INTS15: variants seen among roughly 807,000 people sequenced by gnomAD.
INTS15 encodes uncharacterized protein C7orf26.
the INTS15 span, among the ~76,000 whole-genome samples, chr7:6,605,896 G>A: frequency 3.3e-5 from 5 of 151,990 alleles, no homozygotes; most frequent in African/African-American, 7.2e-5. Flanking sequence ...ACGGGTTTTC[G>A]CCATGTTGGC....
chr7:6,600,444 T>C, the INTS15 span: 3 of 1,358,388 alleles, frequency 2.2e-6, no homozygotes, highest in Middle Eastern at 5.2e-4. Context: ...GACACTGTTT[T>C]TGCTTCATTT....
chr7:6,607,056 G>A, the INTS15 span, among the ~76,000 whole-genome samples: 1 of 152,042 alleles, frequency 6.6e-6, no homozygotes, highest in Non-Finnish European at 1.5e-5. This position sits in a 1 kb window ranked among gnomAD's most constrained non-coding sequence, Gnocchi z 6.0. Flanking sequence ...GGCTGACACA[G>A]AGCGGGGCAG....
At chr7:6,597,106 C>T in the INTS15 span, among the ~76,000 whole-genome samples, 5 of 152,168 alleles carry the variant, frequency 3.3e-5, no homozygotes, top group Non-Finnish European at 5.9e-5. Flanking sequence ...CTCTTCTTTT[C>T]CTAGCAGTTT....
At chr7:6,591,499 C>T in the INTS15 span, 1 of 626,438 alleles carries the variant, frequency 1.6e-6, no homozygotes, top group Non-Finnish European at 2.9e-6. Context: ...CTCTTGACCT[C>T]GTGATTCGCC....
At chr7:6,606,712 T>C in the INTS15 span, among the ~76,000 whole-genome samples, 5 of 142,936 alleles carry the variant, frequency 3.5e-5, no homozygotes, top group Non-Finnish European at 6.2e-5. Flanking sequence ...TTTTTTTTTT[T>C]CTTTGAGACA....
chr7:6,595,500 G>A, the INTS15 span, among the ~76,000 whole-genome samples: 2 of 152,208 alleles, frequency 1.3e-5, no homozygotes, highest in African/African-American at 4.8e-5. Context: ...AAAAGCTAAA[G>A]GTGTGGACCA....
chr7:6,592,286 C>T, the INTS15 span, among the ~76,000 whole-genome samples: 2 of 151,670 alleles, frequency 1.3e-5, no homozygotes, highest in African/African-American at 4.8e-5. Flanking sequence ...TTTTTTTTGG[C>T]CATGCTTAGT....
At chr7:6,602,092 T>G in the INTS15 span, 1 of 1,612,516 alleles carries the variant, frequency 6.2e-7, no homozygotes, top group Non-Finnish European at 8.5e-7. Context: ...TGTATCTCCT[T>G]AATTGCAGAT....
the INTS15 span, chr7:6,600,376 A>AG: frequency 6.3e-7 from 1 of 1,598,914 alleles, no homozygotes; most frequent in Non-Finnish European, 8.5e-7. Context: ...TCCCTGGCCC[A>AG]GGCCTCCTGG....
chr7:6,599,336 T>G, the INTS15 span, among the ~76,000 whole-genome samples: 1 of 151,846 alleles, frequency 6.6e-6, no homozygotes, highest in East Asian at 2.0e-4. Flanking sequence ...GTTCCAAGTT[T>G]GGGGTTGGGA....
the INTS15 span, chr7:6,608,276 C>A: frequency 6.8e-7 from 1 of 1,470,156 alleles, no homozygotes; most frequent in Non-Finnish European, 9.0e-7. Context: ...CCCTCCCCGC[C>A]GGCAGAACCG....
At chr7:6,591,806 T>C in the INTS15 span, 9 of 1,613,946 alleles carry the variant, frequency 5.6e-6, no homozygotes, top group Admixed American at 1.7e-5. Context: ...GGAAAACTGG[T>C]CTCCATGGCG....
At chr7:6,591,949 A>G in the INTS15 span, 1 of 1,314,062 alleles carries the variant, frequency 7.6e-7, no homozygotes, top group Non-Finnish European at 1.1e-6. Context: ...AGGTGGGCGG[A>G]TCACTTGAGG....
At chr7:6,606,150 C>G in the INTS15 span, among the ~76,000 whole-genome samples, 12 of 152,224 alleles carry the variant, frequency 7.9e-5, no homozygotes, top group Non-Finnish European at 1.8e-4. Flanking sequence ...GCAGTACCTC[C>G]TCCTTGGGTT....
At chr7:6,601,341 G>A in the INTS15 span, among the ~76,000 whole-genome samples, 1 of 151,662 alleles carries the variant, frequency 6.6e-6, no homozygotes, top group Non-Finnish European at 1.5e-5. Context: ...CTTTGCCCAG[G>A]CTGGAGTGCA....
chr7:6,596,593 G>A, the INTS15 span, among the ~76,000 whole-genome samples: 1 of 151,364 alleles, frequency 6.6e-6, no homozygotes, highest in East Asian at 1.9e-4. Flanking sequence ...TGGCCAGGTT[G>A]GTCTTGAACT....
the INTS15 span, chr7:6,600,220 G>T: frequency 1.7e-5 from 27 of 1,614,070 alleles, no homozygotes; most frequent in South Asian, 2.2e-5. Context: ...ACATGGTCCC[G>T]CTGGTAGAGG....
At chr7:6,597,020 C>T in the INTS15 span, among the ~76,000 whole-genome samples, 4 of 152,098 alleles carry the variant, frequency 2.6e-5, no homozygotes, top group South Asian at 2.1e-4. Flanking sequence ...CCTCGTGATC[C>T]ACCCGCCTCG....
chr7:6,600,331 C>T, the INTS15 span: 2 of 1,613,316 alleles, frequency 1.2e-6, no homozygotes, highest in Non-Finnish European at 1.7e-6. Context: ...TGGCCATGGC[C>T]TCAGGAGCTC....
Sources: gnomAD v4.1 joint callset for allele counts (sites outside exome capture counted in the v4.1 genomes callset) on GRCh38, gnomAD v4.1.1 for gene constraint, Gnocchi (gnomAD v3.1) non-coding constraint, MANE v1.5 for transcripts, NCBI Gene and HGNC (gene_info 2026-07-23, HGNC 2026-07-21) for gene names.